Variants in UQCRB observed in about 807,000 individuals in gnomAD.
UQCRB encodes cytochrome b-c1 complex subunit 7.
Under a neutral mutation model 19.8 loss-of-function variants are expected in UQCRB, and 12 were observed. The ratio of observed to expected loss-of-function variants is 0.61; its 90% CI spans 0.39 to 0.98. The LOEUF (loss-of-function observed/expected upper bound fraction) is 0.98, where lower values mean the gene tolerates loss of function less well. Ranked by LOEUF, UQCRB falls within the 50% of genes least tolerant of loss-of-function variation. UQCRB has a pLI of 0.00. For synonymous variants in UQCRB, 39 were observed against 42.9 expected (o/e 0.91, Z 0.35); for missense variants, 142 against 131.8 (o/e 1.08, Z -0.38).
At chr8:96,235,115 T>C (rs544572511) in intron 1 of UQCRB, 27 of 306,706 alleles carry the variant, frequency 8.8e-5, no homozygotes, top group African/African-American at 5.4e-4. Context: ...AGAAAATTTA[T>C]AGGGCCAATG....
Position 96,231,093 on chromosome 8 carries a change from G to T in UQCRB, c.298C>A (p.Arg100=). The part of the protein sequence containing the change: ...YLEPYLKEVI[R]ERKEREEWAK... The stretch of plus-strand genomic sequence containing the variant: ...CATTCTTCTCTTTCTTTTCTTTCCC[G>T]AATAACCTCTTTCAGATACGGTTCA... The change falls in exon 4 of 4, where the codon CGG becomes AGG. Residue 100 remains arginine (R), a synonymous_variant. Transcript: ENST00000287022. 6.2e-7 allele frequency: 1 copy of T among 1,613,710 alleles called. No homozygotes were observed. Among genetic ancestry groups the T allele is most frequent in the East Asian group, 2.2e-5 (1 of 44,828 alleles).
At chr8:96,234,084 A>C (rs1247789882) in intron 1 of UQCRB, 1 of 154,592 alleles carries the variant, frequency 6.5e-6, no homozygotes, top group East Asian at 1.9e-4. Flanking sequence ...ATTCTCTTTT[A>C]AAATTTTGTC....
rs1809594589 is a variant in UQCRB, at chr8:96,229,029, C to G, written c.*2026G>C. On this transcript the variant is annotated 3_prime_UTR_variant, in exon 4 of 4. Transcript: ENST00000287022. ...CCCATTCACCTGTGTGAGCCAAATA[C>G]TAGATCTACTTTCTTAGTCTTCATA... The G allele has an allele frequency of 4.4e-6, 2 of 453,976 alleles. No individual in the cohort carries two copies. Among genetic ancestry groups the G allele is most frequent in the Non-Finnish European group, 8.8e-6 (2 of 226,794 alleles). 28.1% of individuals were successfully genotyped at this position (453,976 alleles called of 1,614,324 possible).
intron 1 of UQCRB, chr8:96,234,453 C>T (rs765647218): frequency 7.0e-5 from 90 of 1,279,224 alleles, no homozygotes; most frequent in Non-Finnish European, 8.6e-5. Flanking sequence ...TCAGAGTTAG[C>T]TAATGGGAGT....
chr8:96,230,114 C>T lies in UQCRB; in HGVS notation c.*941G>A, dbSNP rs377411393. The T allele has an allele frequency of 2.6e-4, 117 of 453,988 alleles. No individual in the cohort carries two copies. Among genetic ancestry groups the T allele is most frequent in the East Asian group, 1.1e-3 (16 of 14,396 alleles). The allele number at this position is 453,988 out of a possible 1,614,324, so 28.1% of individuals were successfully genotyped here. Reference sequence around the variant, plus strand: ...ATTTTTTTTTTGAGACAGTCAATGTCGCTCAGGCTGAAGTGCAGTGGTGTG... The same window carrying T: ...ATTTTTTTTTTGAGACAGTCAATGTTGCTCAGGCTGAAGTGCAGTGGTGTG... On this transcript the variant is annotated 3_prime_UTR_variant, in exon 4 of 4. Coordinates refer to ENST00000287022, the MANE Select transcript of UQCRB (RefSeq NM_006294.5).
rs2129781090 is a variant in UQCRB, at chr8:96,227,893, A to G, written c.*3162T>C. 2.2e-6 allele frequency: 1 copy of G among 454,164 alleles called. No individual in the cohort carries two copies. Among genetic ancestry groups the G allele is most frequent in the Non-Finnish European group, 4.4e-6 (1 of 226,790 alleles). 28.1% of individuals were successfully genotyped at this position (454,164 alleles called of 1,614,324 possible). A position where few individuals can be genotyped will look rare whatever the true frequency, so the allele number is the denominator to read the frequency against. On this transcript the variant is annotated 3_prime_UTR_variant, in exon 4 of 4. Transcript: ENST00000287022. ...TTTAAAAACAGGAAAAGGTGCCATTAGTAAAAACTCCATCACTAACATTTT... is the reference window on the plus strand; with the variant it reads ...TTTAAAAACAGGAAAAGGTGCCATTGGTAAAAACTCCATCACTAACATTTT...
At position 96,230,703 on chromosome 8, in the gene UQCRB, T is replaced by C. The variant is rs1809648378; in HGVS notation, c.*352A>G. The C allele has an allele frequency of 2.1e-6, 1 of 480,056 alleles. No homozygotes were observed. Among genetic ancestry groups the C allele is most frequent in the African/African-American group, 2.0e-5 (1 of 51,252 alleles). 29.7% of individuals were successfully genotyped at this position (480,056 alleles called of 1,614,324 possible). A position where few individuals can be genotyped will look rare whatever the true frequency, so the allele number is the denominator to read the frequency against. ...TTCTCAATCTTGGCAAACTAGGGGG[T>C]GCATACCCCCTTCTTTTATTCAGTA... On this transcript the variant is annotated 3_prime_UTR_variant, in exon 4 of 4. Transcript: ENST00000287022.
At chr8:96,234,721 G>T (rs1253895902) in intron 1 of UQCRB, 3 of 361,852 alleles carry the variant, frequency 8.3e-6, no homozygotes, top group African/African-American at 2.1e-5. Flanking sequence ...GCAGTGAGAC[G>T]AGATTGTGCC....
In UQCRB at chr8:96,235,543, G is replaced by C. The variant is rs146962545; in HGVS notation, c.-13C>G. 6 of 1,614,122 alleles carry C rather than the reference G, an allele frequency of 3.7e-6. No individual in the cohort carries two copies. In the Admixed American group the frequency reaches 1.0e-4, roughly 27 times the overall value. ...GCTTACCAGCCATTTTGACCAGAAAGAGAAGCGTTGCCTTCTGGGTAAGTC... is the reference window on the plus strand; with the variant it reads ...GCTTACCAGCCATTTTGACCAGAAACAGAAGCGTTGCCTTCTGGGTAAGTC... On this transcript the variant is annotated 5_prime_UTR_variant, in exon 1 of 4. Transcript: ENST00000287022.
intron 1 of UQCRB, chr8:96,234,642 G>T: frequency 7.5e-6 from 4 of 535,400 alleles, no homozygotes; most frequent in Non-Finnish European, 1.3e-5. Context: ...TTTCCTAACA[G>T]CTTCACAATT....
intron 1 of UQCRB, chr8:96,233,428 T>G: frequency 1.8e-6 from 1 of 555,266 alleles, no homozygotes; most frequent in East Asian, 3.0e-5. Context: ...CTCTATAAAA[T>G]GTTGATAAAA....
intron 1 of UQCRB, chr8:96,235,071 A>G (rs1410847127): frequency 3.5e-6 from 1 of 282,246 alleles, no homozygotes; most frequent in Non-Finnish European, 6.9e-6. Flanking sequence ...ATCAGCGTAA[A>G]AGGGAAATTA....
rs1040246450 is a variant in UQCRB, at chr8:96,224,802, C to A, written c.*6253G>T. On this transcript the variant is annotated 3_prime_UTR_variant, in exon 4 of 4. Coordinates refer to ENST00000287022, the MANE Select transcript of UQCRB (RefSeq NM_006294.5). ...TTATACCTAAAAGTACTGGATGAAA[C>A]CTTGCTGGATATTTATGAAAACTTG... Among the ~76,000 whole-genome samples, 2 of 152,146 alleles carry A rather than the reference C, an allele frequency of 1.3e-5. No homozygotes were observed. Among genetic ancestry groups the A allele is most frequent in the Admixed American group, 6.5e-5 (1 of 15,268 alleles).
rs1181642838 is a variant in UQCRB, at chr8:96,227,599, T to A, written c.*3456A>T. On this transcript the variant is annotated 3_prime_UTR_variant, in exon 4 of 4. Transcript: ENST00000287022. ...CATCAAGCTGTCAAGGATTTGGTTA[T>A]GACAATCTTCATGTTCACCTAACTT... The A allele has an allele frequency of 2.2e-6, 1 of 454,046 alleles. No homozygotes were observed. The highest frequency in any genetic ancestry group is 2.0e-5 in the African/African-American group (1 of 50,032). 28.1% of individuals were successfully genotyped at this position (454,046 alleles called of 1,614,324 possible).
chr8:96,230,853 T>G lies in UQCRB; in HGVS notation c.*202A>C. 1.4e-6 allele frequency: 1 copy of G among 710,226 alleles called. No individual in the cohort carries two copies. Among genetic ancestry groups the G allele is most frequent in the South Asian group, 1.5e-5 (1 of 66,966 alleles). 44.0% of individuals were successfully genotyped at this position (710,226 alleles called of 1,614,324 possible). A position where few individuals can be genotyped will look rare whatever the true frequency, so the allele number is the denominator to read the frequency against. ...AGTAGCAGTTAAACACAACTAAATA[T>G]ATCTTGAAAGTTTGGAAAAAAATTT... On this transcript the variant is annotated 3_prime_UTR_variant, in exon 4 of 4. Transcript: ENST00000287022.
Position 96,234,610 on chromosome 8 carries a change from G to T in UQCRB, c.19+902C>A, listed in dbSNP as rs56861156. On this transcript the variant is annotated intron_variant, in intron 1 of 3. Coordinates refer to ENST00000287022, the MANE Select transcript of UQCRB (RefSeq NM_006294.5). Reference sequence around the variant, plus strand: ...AAAGCTCAATGTCAATTAGGTTAACGGATGTTTCTGGCAACCTGATGTTTC... The same window carrying T: ...AAAGCTCAATGTCAATTAGGTTAACTGATGTTTCTGGCAACCTGATGTTTC... 2,088 of 783,360 alleles carry T rather than the reference G, an allele frequency of 2.7e-3. 33 individuals carry two copies. In the African/African-American group the frequency reaches 0.035, roughly 13 times the overall value. 48.5% of individuals were successfully genotyped at this position (783,360 alleles called of 1,614,324 possible).
At chr8:96,235,416 G>T in intron 1 of UQCRB, 96 bp downstream of exon 1, 2 of 1,550,214 alleles carry the variant, frequency 1.3e-6, no homozygotes, top group Non-Finnish European at 1.8e-6. Flanking sequence ...CGACAAACTT[G>T]GCCACTTACA....
Position 96,230,752 on chromosome 8 carries a change from G to A in UQCRB, c.*303C>T, listed in dbSNP as rs574223960. 52 of 535,554 alleles carry A rather than the reference G, an allele frequency of 9.7e-5. 1 individual carries two copies. Among genetic ancestry groups the A allele is most frequent in the South Asian group, 4.0e-4 (26 of 65,198 alleles). The allele number at this position is 535,554 out of a possible 1,614,324, so 33.2% of individuals were successfully genotyped here. ...TAGCTTCCATAAGGATGTAACTTAC[G>A]GAAGTTATATCCTTCCATAAACTGA... On this transcript the variant is annotated 3_prime_UTR_variant, in exon 4 of 4. Transcript: ENST00000287022.
Position 96,233,149 on chromosome 8 carries a change from T to C in UQCRB, c.91+7A>G. 6.2e-7 allele frequency: 1 copy of C among 1,611,906 alleles called. No individual in the cohort carries two copies. Among genetic ancestry groups the C allele is most frequent in the Non-Finnish European group, 8.5e-7 (1 of 1,179,408 alleles). ...AACAAAAAACATTAAACAGCACAGC[T>C]GCTTACCCAGTTTATTGAATCCTGC... On this transcript the variant is annotated splice_region_variant and intron_variant, in intron 2 of 3. Transcript: ENST00000287022.
Sources: gnomAD v4.1 joint callset for allele counts (sites outside exome capture counted in the v4.1 genomes callset) on GRCh38, gnomAD v4.1.1 for gene constraint, MANE v1.5 for transcripts, NCBI Gene and HGNC (gene_info 2026-07-23, HGNC 2026-07-21) for gene names.